Variants in MOXD1 observed in about 807,000 individuals in gnomAD.
MOXD1 encodes the protein DBH-like monooxygenase protein 1.
In MOXD1, 62 loss-of-function variants were observed where a neutral mutation model predicts 66.6. The ratio of observed to expected loss-of-function variants is 0.93; its 90% confidence interval spans 0.76 to 1.15. MOXD1 has a LOEUF of 1.15. MOXD1 is among the 50% of genes most tolerant of loss of function. The pLI is 0.00. For synonymous variants in MOXD1, 303 were observed against 281.9 expected (o/e 1.07, Z -0.75); for missense variants, 847 against 754.6 (o/e 1.12, Z -1.44).
intron 4 of MOXD1, among the ~76,000 whole-genome samples, chr6:132,361,769 C>G (rs1434100183): frequency 6.6e-6 from 1 of 152,198 alleles, no homozygotes; most frequent in Non-Finnish European, 1.5e-5. Context: ...CAAATCTCAA[C>G]TATAACATTT....
chr6:132,398,935 C>CACAAAA lies in MOXD1; in HGVS notation c.264+2227_264+2228insTTTTGT, dbSNP rs1554239404. Among the ~76,000 whole-genome samples the CACAAAA allele has an allele frequency of 2.8e-3, 208 of 75,070 alleles. 5 individuals carry two copies. The highest frequency in any genetic ancestry group is 7.0e-3 in the African/African-American group (164 of 23,350). 49.2% of individuals were successfully genotyped at this position (75,070 alleles called of 152,430 possible). On this transcript the variant is annotated intron_variant, in intron 1 of 11. Coordinates refer to ENST00000367963, the MANE Select transcript of MOXD1 (RefSeq NM_015529.4). Reference sequence around the variant, plus strand: ...CCTGGGCAATAAAGAGAGACTTTGTCAAAAAAAAAAAAAAAAAAAAGAGAA... The same window carrying CACAAAA: ...CCTGGGCAATAAAGAGAGACTTTGTCACAAAAAAAAAAAAAAAAAAAAAAAAGAGAA...
chr6:132,364,024 A>G (rs1190601370), intron 4 of MOXD1, among the ~76,000 whole-genome samples: 1 of 152,174 alleles, frequency 6.6e-6, no homozygotes, highest in African/African-American at 2.4e-5. Context: ...AGGTTGGAGT[A>G]GACTTGGTTG....
At chr6:132,319,843 C>A (rs1001369458) in intron 9 of MOXD1, among the ~76,000 whole-genome samples, 1 of 152,018 alleles carries the variant, frequency 6.6e-6, no homozygotes, top group South Asian at 2.1e-4. Flanking sequence ...AAATGTCTCC[C>A]CTGTCAACAA....
chr6:132,331,462 TA>T (rs1775316061), intron 4 of MOXD1, among the ~76,000 whole-genome samples: 1 of 152,014 alleles, frequency 6.6e-6, no homozygotes, highest in South Asian at 2.1e-4. Flanking sequence ...GAGCTTCAAA[TA>T]AACAGCTTGA....
At chr6:132,326,028 A>C (rs961595412) in intron 6 of MOXD1, among the ~76,000 whole-genome samples, 1 of 152,188 alleles carries the variant, frequency 6.6e-6, no homozygotes, top group African/African-American at 2.4e-5. Flanking sequence ...TATTTTTGGC[A>C]TCTACTTCCT....
intron 1 of MOXD1, among the ~76,000 whole-genome samples, chr6:132,376,250 T>G (rs1776375977): frequency 6.6e-6 from 1 of 152,214 alleles, no homozygotes; most frequent in Admixed American, 6.5e-5. Flanking sequence ...TTTGAAGAAT[T>G]TATAGCTATG....
In MOXD1 at chr6:132,356,945, A is replaced by G. The variant is rs553284463; in HGVS notation, c.663+15663T>C. Among the ~76,000 whole-genome samples the G allele has an allele frequency of 1.3e-3, 195 of 152,178 alleles. 1 individual carries two copies. The highest frequency in any genetic ancestry group is 2.3e-3 in the Non-Finnish European group (153 of 67,934). ...AGGGCACTACTACTTTTTATTTTAT[A>G]TATTTTTTACTTTTTTACTTATTAT... On this transcript the variant is annotated intron_variant, in intron 4 of 11. Coordinates refer to ENST00000367963, the MANE Select transcript of MOXD1 (RefSeq NM_015529.4).
Sources: allele counts gnomAD v4.1 joint callset (sites outside exome capture counted in the v4.1 genomes callset), GRCh38; gene constraint gnomAD v4.1.1; transcripts MANE v1.5; gene names NCBI Gene and HGNC (gene_info 2026-07-23, HGNC 2026-07-21).